Variants in LFNG observed in about 807,000 individuals in gnomAD.
The protein encoded by LFNG is LFNG O-fucosylpeptide 3-beta-N-acetylglucosaminyltransferase.
Under a neutral mutation model 32.7 loss-of-function variants are expected in LFNG, and 15 were observed. The observed-to-expected ratio is 0.46, with a 90% CI of 0.31 to 0.71. The LOEUF (loss-of-function observed/expected upper bound fraction) is 0.71, where lower values mean the gene tolerates loss of function less well. Among genes scored for constraint, LFNG ranks in the 30% least tolerant of loss-of-function variants. The pLI, the probability that LFNG is intolerant of heterozygous loss-of-function variation, is 0.06. For missense variants in LFNG, 520 were observed against 545.7 expected, an observed-to-expected ratio of 0.95 and a Z score of 0.47; for synonymous variants, 274 against 246.8, an observed-to-expected ratio of 1.11 and a Z score of -1.03.
At position 2,520,246 on chromosome 7, in the gene LFNG, C is replaced by T. The variant is rs757619912; in HGVS notation, c.385C>T (p.Arg129Cys). 2 of 1,609,870 alleles carry T rather than the reference C, an allele frequency of 1.2e-6. No homozygotes were observed. The highest frequency in any genetic ancestry group is 1.7e-6 in the Non-Finnish European group (2 of 1,178,764). Residue 129 changes from arginine (R) to cysteine (C), a missense_variant, in exon 1 of 8, where the codon CGC becomes TGC. Arg to Cys is a radical substitution (Grantham distance 180, BLOSUM62 -3). Transcript: ENST00000222725. The surrounding 1 kb of genome is among the most constrained non-coding windows in gnomAD (Gnocchi z 5.0). ...VKTTKKFHRA[R>C]LDLLLETWIS... ...GACCACCAAAAAGTTCCACCGCGCG[C>T]GCCTCGACCTGCTGCTGGAGACCTG...
At chr7:2,524,082 C>G (rs947724246) in intron 1 of LFNG, among the ~76,000 whole-genome samples, 1 of 152,200 alleles carries the variant, frequency 6.6e-6, no homozygotes, top group Non-Finnish European at 1.5e-5. Flanking sequence ...GCCGGCCCGG[C>G]GCCCCTCTCC....
chr7:2,522,990 G>A (rs1010678578), intron 1 of LFNG, among the ~76,000 whole-genome samples: 24 of 152,134 alleles, frequency 1.6e-4, no homozygotes, highest in African/African-American at 5.6e-4. Flanking sequence ...CGGCACCCCC[G>A]CACCCCATAG....
chr7:2,512,558 C>T (rs1247241140), exon 1 of LFNG: 18 of 1,094,562 alleles, frequency 1.6e-5, no homozygotes, highest in East Asian at 7.2e-5. Flanking sequence ...GCAGAGCCTC[C>T]CAAGGAAGGG....
rs199511170 is a variant in LFNG at position 2,520,195 on chromosome 7, C to A, written c.334C>A (p.Pro112Thr). 54 of 1,594,004 alleles carry A rather than the reference C, an allele frequency of 3.4e-5. No individual in the cohort carries two copies. Among genetic ancestry groups the A allele is most frequent in the Non-Finnish European group, 4.1e-5 (48 of 1,171,420 alleles). Residue 112 changes from proline (P) to threonine (T), a missense_variant, in exon 1 of 8, where the codon CCC (proline) becomes ACC (threonine). By Grantham distance (38) the Pro-to-Thr change is conservative. Coordinates refer to ENST00000222725, the MANE Select transcript of LFNG (RefSeq NM_001040167.2). This position sits in a 1 kb window ranked among gnomAD's most constrained non-coding sequence, Gnocchi z 5.0. ...GCGCCCCCTGGCCGAGCCGCTCGCG[C>A]CCCGAGACGTCTTCATCGCTGTCAA... ...HPRPLAEPLAPRDVFIAVKTT... is the reference protein window; with the variant it reads ...HPRPLAEPLATRDVFIAVKTT...
At chr7:2,518,842 C>T (rs896506294), upstream of LFNG, among the ~76,000 whole-genome samples, 7 of 152,072 alleles carry the variant, frequency 4.6e-5, no homozygotes, top group Admixed American at 1.3e-4. Flanking sequence ...TGGCCACTTC[C>T]GGGCCCCTCG....
chr7:2,518,429 G>T (rs992024304), upstream of LFNG: 2 of 733,470 alleles, frequency 2.7e-6, no homozygotes, highest in East Asian at 5.2e-5. Context: ...GGCCCCTGGG[G>T]CCCTAAGAGC....
upstream of LFNG, chr7:2,518,587 A>G (rs1223990365): frequency 1.9e-6 from 3 of 1,608,050 alleles, no homozygotes; most frequent in South Asian, 2.2e-5. Context: ...TGCGGCTGAC[A>G]TTCAGGTAGA....
chr7:2,528,597 A>G (rs1434012862), downstream of LFNG, among the ~76,000 whole-genome samples: 2 of 152,148 alleles, frequency 1.3e-5, no homozygotes, highest in Non-Finnish European at 2.9e-5. Flanking sequence ...TGGCGTCACT[A>G]TAGCTGCCTG....
At position 2,520,849 on chromosome 7, in the gene LFNG, C is replaced by A. The variant is rs756425374; in HGVS notation, c.432+556C>A. Reference sequence around the variant, plus strand: ...CAGGTTTTGGGGTCTGTGTGGGGACCCTCCCCGCACAGTGCAGTAGTCTCT... The same window carrying A: ...CAGGTTTTGGGGTCTGTGTGGGGACACTCCCCGCACAGTGCAGTAGTCTCT... On this transcript the variant is annotated intron_variant, in intron 1 of 7. Transcript: ENST00000222725. The surrounding 1 kb of genome is among the most constrained non-coding windows in gnomAD (Gnocchi z 5.0). Among the ~76,000 whole-genome samples, 1 of 152,062 alleles carries A rather than the reference C, an allele frequency of 6.6e-6. No homozygotes were observed. Among genetic ancestry groups the A allele is most frequent in the Non-Finnish European group, 1.5e-5 (1 of 68,012 alleles).
In LFNG at chr7:2,526,473, G is replaced by A; in HGVS notation, c.987+64G>A. 1 of 1,566,114 alleles carries A rather than the reference G, an allele frequency of 6.4e-7. No individual in the cohort carries two copies. Among genetic ancestry groups the A allele is most frequent in the Non-Finnish European group, 8.7e-7 (1 of 1,151,244 alleles). ...ACAGGAAGGGACGTGTGGCTGCCGA[G>A]AGGGGCGCAGTGGGGTGGGGCACTG... On this transcript the variant is annotated intron_variant, in intron 6 of 7. Coordinates refer to ENST00000222725, the MANE Select transcript of LFNG (RefSeq NM_001040167.2). This position sits in a 1 kb window ranked among gnomAD's most constrained non-coding sequence, Gnocchi z 6.9.
upstream of LFNG, among the ~76,000 whole-genome samples, chr7:2,519,670 G>T (rs528022110): frequency 1.6e-4 from 24 of 149,518 alleles, no homozygotes; most frequent in Middle Eastern, 3.4e-3. Flanking sequence ...GGCGTGGAGC[G>T]GCGACCGGCG....
chr7:2,525,169 C>G, intron 2 of LFNG, 50 bp from the exon 3 acceptor site: 1 of 1,533,978 alleles, frequency 6.5e-7, no homozygotes, highest in Non-Finnish European at 9.0e-7. Flanking sequence ...GGCCAGGCCC[C>G]TCTCTGGGAG....
upstream of LFNG, among the ~76,000 whole-genome samples, chr7:2,513,669 C>CCCCT (rs1779543384): frequency 6.6e-6 from 1 of 152,214 alleles, no homozygotes; most frequent in African/African-American, 2.4e-5. Flanking sequence ...CACAGCCCAC[C>CCCCT]CCCTGCCTGC....
At chr7:2,522,395 C>T (rs942204440) in intron 1 of LFNG, among the ~76,000 whole-genome samples, 1 of 152,148 alleles carries the variant, frequency 6.6e-6, no homozygotes, top group Non-Finnish European at 1.5e-5. Context: ...CTGAGATGGG[C>T]CTGGAGTCCA....
In LFNG at chr7:2,520,820, ACT is replaced by A. The variant is rs1196161544; in HGVS notation, c.432+529_432+530del. ...GGTCCTGGGGAGTACATCTCAAAGA[ACT>A]CCAGGTTTTGGGGTCTGTGTGGGGA... is the stretch of plus-strand genomic sequence containing the variant. On this transcript the variant is annotated intron_variant, in intron 1 of 7. Transcript: ENST00000222725. The surrounding 1 kb of genome is among the most constrained non-coding windows in gnomAD (Gnocchi z 5.0). Among the ~76,000 whole-genome samples, 1 of 150,524 alleles carries A rather than the reference ACT, an allele frequency of 6.6e-6. No individual in the cohort carries two copies. The highest frequency in any genetic ancestry group is 2.5e-5 in the African/African-American group (1 of 40,716).
chr7:2,525,404 T>C lies in LFNG; in HGVS notation c.582-10T>C, dbSNP rs1249078709. On this transcript the variant is annotated splice_polypyrimidine_tract_variant and intron_variant, in intron 3 of 7. Coordinates refer to ENST00000222725, the MANE Select transcript of LFNG (RefSeq NM_001040167.2). ...CATGCCCTCCCCCGATGGCCCTGCC[T>C]TGTCCTCAGGTGGTTCTGCCACGTG... 3 of 1,612,694 alleles carry C rather than the reference T, an allele frequency of 1.9e-6. No individual in the cohort carries two copies. In the African/African-American group the frequency reaches 4.0e-5, roughly 22 times the overall value.
At position 2,527,343 on chromosome 7, in the gene LFNG, T is replaced by C. The variant is rs7456343; in HGVS notation, c.*131T>C. The C allele has an allele frequency of 1.9e-4, 212 of 1,099,678 alleles. 2 individuals are homozygous for C. In the East Asian group the frequency reaches 2.1e-3, roughly 11 times the overall value. The allele number at this position is 1,099,678 out of a possible 1,614,324, so 68.1% of individuals were successfully genotyped here. On this transcript the variant is annotated 3_prime_UTR_variant, in exon 8 of 8. Transcript: ENST00000222725. This position sits in a 1 kb window ranked among gnomAD's most constrained non-coding sequence, Gnocchi z 4.4. ...GCCTGTGCGTGTGCGTGTGCGTGTG[T>C]GTGTGTGTGTACTGCATGCCCACCC...
chr7:2,520,422 C>T lies in LFNG; in HGVS notation c.432+129C>T, dbSNP rs981451135. The T allele has an allele frequency of 4.0e-5, 33 of 819,610 alleles. No individual in the cohort carries two copies. The highest frequency in any genetic ancestry group is 6.0e-5 in the Non-Finnish European group (32 of 537,394). The allele number at this position is 819,610 out of a possible 1,614,324, so 50.8% of individuals were successfully genotyped here. ...AGCCACTAGGGCCATCTGTGGGCGA[C>T]GCCAGTGCACCCCGGTGCACCCAGT... On this transcript the variant is annotated intron_variant, in intron 1 of 7. Transcript: ENST00000222725. The surrounding 1 kb of genome is among the most constrained non-coding windows in gnomAD (Gnocchi z 5.0).
At chr7:2,522,948 C>T (rs1051632339) in intron 1 of LFNG, among the ~76,000 whole-genome samples, 8 of 152,230 alleles carry the variant, frequency 5.3e-5, no homozygotes, top group African/African-American at 1.7e-4. Context: ...TCCTCCCCTC[C>T]TGGTGGCTCA....
Sources: gnomAD v4.1 joint callset for allele counts (sites outside exome capture counted in the v4.1 genomes callset) on GRCh38, gnomAD v4.1.1 for gene constraint, Gnocchi (gnomAD v3.1) non-coding constraint, MANE v1.5 for transcripts, NCBI Gene and HGNC (gene_info 2026-07-23, HGNC 2026-07-21) for gene names.